The following UNC5C variants were observed in gnomAD, a reference collection of about 807,000 sequenced individuals.
The protein encoded by UNC5C is unc-5 netrin receptor C.
A neutral mutation model predicts 99.8 loss-of-function variants in UNC5C; 47 were observed. That is an observed-to-expected ratio of 0.47 (90% CI 0.37 to 0.60). UNC5C has a LOEUF of 0.60. UNC5C is among the 20% of genes least tolerant of loss of function. The pLI, the probability that UNC5C is intolerant of heterozygous loss-of-function variation, is 0.00. For synonymous variants in UNC5C, 487 were observed against 452.2 expected, an observed-to-expected ratio of 1.08 and a Z score of -0.98; for missense variants, 1,062 against 1,165.9, an observed-to-expected ratio of 0.91 and a Z score of 1.30.
intron 1 of UNC5C, among the ~76,000 whole-genome samples, chr4:95,455,844 A>G (rs17023936): frequency 0.37 from 55,545 of 151,882 alleles, 10,518 homozygotes; most frequent in African/African-American, 0.45. Flanking sequence ...TTTAGACTAC[A>G]TCCACCATGT....
intron 1 of UNC5C, among the ~76,000 whole-genome samples, chr4:95,398,705 A>G (rs930470858): frequency 6.6e-6 from 1 of 152,184 alleles, no homozygotes; most frequent in Non-Finnish European, 1.5e-5. Context: ...AACCACAAGT[A>G]AATAAAGCAT....
chr4:95,526,436 G>A (rs1722499418), intron 1 of UNC5C, among the ~76,000 whole-genome samples: 1 of 151,978 alleles, frequency 6.6e-6, no homozygotes, highest in African/African-American at 2.4e-5. Context: ...GCTCTAAAAG[G>A]AAGATTTACA....
chr4:95,331,147 T>C (rs533936620), intron 2 of UNC5C, among the ~76,000 whole-genome samples: 232 of 152,236 alleles, frequency 1.5e-3, no homozygotes, highest in African/African-American at 5.2e-3. Context: ...AAAGACATGG[T>C]TTCAGTCTTT....
At chr4:95,184,994 G>T in intron 13 of UNC5C, 53 bp downstream of exon 13, 1 of 1,501,070 alleles carries the variant, frequency 6.7e-7, no homozygotes, top group Admixed American at 2.4e-5. Flanking sequence ...TATAATTTTA[G>T]ACCTCTTTCT....
chr4:95,224,264 T>C (rs62319060), intron 7 of UNC5C, among the ~76,000 whole-genome samples: 65,321 of 152,058 alleles, frequency 0.43, 14,762 homozygotes, highest in East Asian at 0.72. Flanking sequence ...GCCTGGGTGA[T>C]AGAGCGAGAT....
intron 1 of UNC5C, among the ~76,000 whole-genome samples, chr4:95,440,024 C>G (rs1746903582): frequency 6.6e-6 from 1 of 152,188 alleles, no homozygotes; most frequent in Non-Finnish European, 1.5e-5. Flanking sequence ...CATTTCTCTC[C>G]TGCATTTTGT....
At chr4:95,468,691 T>C (rs1270002578) in intron 1 of UNC5C, among the ~76,000 whole-genome samples, 1 of 152,278 alleles carries the variant, frequency 6.6e-6, no homozygotes, top group South Asian at 2.1e-4. Flanking sequence ...TCATTGACAA[T>C]CTTTACCATA....
At chr4:95,225,046 C>T (rs1449738347) in intron 7 of UNC5C, among the ~76,000 whole-genome samples, 1 of 152,058 alleles carries the variant, frequency 6.6e-6, no homozygotes, top group African/African-American at 2.4e-5. Flanking sequence ...AGAGGACAGG[C>T]AGCACCAGGT....
At chr4:95,480,693 C>T (rs552704553) in intron 1 of UNC5C, among the ~76,000 whole-genome samples, 1 of 151,856 alleles carries the variant, frequency 6.6e-6, no homozygotes, top group Non-Finnish European at 1.5e-5. Context: ...GGGATGCAAG[C>T]CTGGTTCAAT....
chr4:95,261,329 G>A (rs2149386689), intron 4 of UNC5C, among the ~76,000 whole-genome samples: 1 of 152,286 alleles, frequency 6.6e-6, no homozygotes, highest in South Asian at 2.1e-4. Context: ...TTTACTTTCA[G>A]AACTAGCAGT....
intron 1 of UNC5C, among the ~76,000 whole-genome samples, chr4:95,498,674 C>T (rs1721691113): frequency 6.7e-6 from 1 of 148,868 alleles, no homozygotes; most frequent in African/African-American, 2.5e-5. Context: ...TCGTTTTATT[C>T]CTTCCAAAAA....
intron 1 of UNC5C, among the ~76,000 whole-genome samples, chr4:95,427,798 G>A (rs1407676620): frequency 6.6e-6 from 1 of 152,036 alleles, no homozygotes; most frequent in East Asian, 1.9e-4. Context: ...CAATATCTTT[G>A]AGGTATGTTC....
intron 1 of UNC5C, among the ~76,000 whole-genome samples, chr4:95,379,767 A>C (rs866380655): frequency 1.3e-5 from 2 of 152,166 alleles, no homozygotes; most frequent in Non-Finnish European, 2.9e-5. Context: ...AGCCATCAGA[A>C]TAAGAACGGC....
In UNC5C at chr4:95,319,633, G is replaced by C. The variant is rs530224591; in HGVS notation, c.346+15777C>G. Among the ~76,000 whole-genome samples the C allele has an allele frequency of 1.8e-3, 281 of 152,280 alleles. 2 individuals are homozygous for C. Among genetic ancestry groups the C allele is most frequent in the South Asian group, 6.8e-3 (33 of 4,822 alleles). On this transcript the variant is annotated intron_variant, in intron 2 of 15. Coordinates refer to ENST00000453304, the MANE Select transcript of UNC5C (RefSeq NM_003728.4). ...ACAGGCTTCCCCAGGACTGGTCTGA[G>C]AATCACTAGCTGAGGGAAGACTCAG...
At chr4:95,183,439 T>C (rs1036606728) in intron 13 of UNC5C, among the ~76,000 whole-genome samples, 1 of 152,094 alleles carries the variant, frequency 6.6e-6, no homozygotes, top group Non-Finnish European at 1.5e-5. Context: ...ACACCAGCCA[T>C]TGCTCATTAA....
At chr4:95,188,613 A>T (rs1234198566) in intron 12 of UNC5C, among the ~76,000 whole-genome samples, 2 of 152,194 alleles carry the variant, frequency 1.3e-5, no homozygotes, top group Admixed American at 6.5e-5. Context: ...CTTGTATTTC[A>T]CACTGCTTGA....
intron 7 of UNC5C, among the ~76,000 whole-genome samples, chr4:95,220,536 T>C (rs1382966383): frequency 6.6e-6 from 1 of 152,250 alleles, no homozygotes; most frequent in Non-Finnish European, 1.5e-5. Flanking sequence ...AATTCACTGA[T>C]AGTTCTTTAA....
rs1016180050 is a variant in UNC5C at position 95,540,336 on chromosome 4, C to T, written c.124+8398G>A. Among the ~76,000 whole-genome samples the T allele has an allele frequency of 2.6e-5, 4 of 152,182 alleles. 1 individual carries two copies. The highest frequency in any genetic ancestry group is 6.8e-3 in the Middle Eastern group (2 of 294). On this transcript the variant is annotated intron_variant, in intron 1 of 15. Transcript: ENST00000453304. The stretch of plus-strand genomic sequence containing the variant: ...GATCTAGGGTCTCTATTCCGGATAG[C>T]ACAAATAAATCATTTGAACATGTCG...
intron 2 of UNC5C, among the ~76,000 whole-genome samples, chr4:95,309,516 A>G (rs575613815): frequency 6.2e-4 from 95 of 152,258 alleles, no homozygotes; most frequent in African/African-American, 2.1e-3. Context: ...GAGAGAAAAC[A>G]TTTGTAAACC....
Sources: allele counts gnomAD v4.1 joint callset (sites outside exome capture counted in the v4.1 genomes callset), GRCh38; gene constraint gnomAD v4.1.1; transcripts MANE v1.5; gene names NCBI Gene and HGNC (gene_info 2026-07-23, HGNC 2026-07-21).